The following SLC17A8 variants were observed in gnomAD, a reference collection of about 807,000 sequenced individuals.
The protein encoded by SLC17A8 is vesicular glutamate transporter 3.
SLC17A8 carries 31 observed loss-of-function variants against 58.0 expected under a neutral mutation model. The observed-to-expected ratio is 0.53, with a 90% CI of 0.40 to 0.72. SLC17A8 has a LOEUF of 0.72. SLC17A8 is among the 30% of genes least tolerant of loss of function. The pLI, the probability that SLC17A8 is intolerant of heterozygous loss-of-function variation, is 0.00. For missense variants in SLC17A8, 655 were observed against 727.8 expected, an observed-to-expected ratio of 0.90 and a Z score of 1.15; for synonymous variants, 228 against 249.0, an observed-to-expected ratio of 0.92 and a Z score of 0.79.
chr12:100,357,579 C>T (rs1035390367), intron 1 of SLC17A8, 87 bp downstream of exon 1: 11 of 902,006 alleles, frequency 1.2e-5, no homozygotes, highest in Non-Finnish European at 1.8e-5. Flanking sequence ...TTTTTAAAAC[C>T]ACACTTTAAT....
At position 100,357,228 on chromosome 12, in the gene SLC17A8, C is replaced by G; in HGVS notation, c.-164C>G. 1 of 654,188 alleles carries G rather than the reference C, an allele frequency of 1.5e-6. No homozygotes were observed. The allele number at this position is 654,188 out of a possible 1,614,324, so 40.5% of individuals were successfully genotyped here. A position where few individuals can be genotyped will look rare whatever the true frequency, so the allele number is the denominator to read the frequency against. On this transcript the variant is annotated 5_prime_UTR_variant, in exon 1 of 12. Transcript: ENST00000323346. ...GGGAGTTGTCTTATCTTGGAAGATC[C>G]GAGCTGGGTTTCATCTCCTTTTTGA...
At chr12:100,390,255 A>G (rs960161276) in intron 2 of SLC17A8, among the ~76,000 whole-genome samples, 1 of 151,910 alleles carries the variant, frequency 6.6e-6, no homozygotes, top group African/African-American at 2.4e-5. Flanking sequence ...GTGAGTCACC[A>G]TGACCATTAA....
Position 100,382,316 on chromosome 12 carries a change from C to A in SLC17A8, c.354+1363C>A, listed in dbSNP as rs75778267. ...GCCACAGGGCCAGTTCAGAGGCCAT[C>A]ATAGTTATAAGCAAGGATACTTCGA... On this transcript the variant is annotated intron_variant, in intron 2 of 11. Coordinates refer to ENST00000323346, the MANE Select transcript of SLC17A8 (RefSeq NM_139319.3). Among the ~76,000 whole-genome samples the A allele has an allele frequency of 1.1e-3, 171 of 152,274 alleles. 1 individual carries two copies. The highest frequency in any genetic ancestry group is 4.1e-3 in the African/African-American group (170 of 41,554).
intron 1 of SLC17A8, among the ~76,000 whole-genome samples, chr12:100,368,730 T>C (rs1232703480): frequency 6.6e-6 from 1 of 152,238 alleles, no homozygotes; most frequent in Non-Finnish European, 1.5e-5. Flanking sequence ...TCTCTCCTTT[T>C]ACAACTTCTC....
intron 2 of SLC17A8, among the ~76,000 whole-genome samples, chr12:100,389,203 G>A (rs1015215702): frequency 6.6e-6 from 1 of 152,244 alleles, no homozygotes; most frequent in Admixed American, 6.5e-5. Flanking sequence ...GGAAGGTTGT[G>A]TTGTTGCTAT....
At chr12:100,395,324 G>T (rs1016414207) in intron 4 of SLC17A8, among the ~76,000 whole-genome samples, 27 of 133,270 alleles carry the variant, frequency 2.0e-4, no homozygotes, top group African/African-American at 6.4e-4. Flanking sequence ...ATAAACAAAA[G>T]AATTTTTTTT....
intron 1 of SLC17A8, among the ~76,000 whole-genome samples, chr12:100,361,463 CCCACTTTCCTGG>C (rs1179148183): frequency 6.6e-6 from 1 of 152,194 alleles, no homozygotes; most frequent in African/African-American, 2.4e-5. Context: ...CTCAAAGATC[CCCACTTTCCTGG>C]CCATTCTATT....
At chr12:100,404,652 G>A (rs1379206053) in intron 9 of SLC17A8, among the ~76,000 whole-genome samples, 1 of 152,106 alleles carries the variant, frequency 6.6e-6, no homozygotes, top group African/African-American at 2.4e-5. Flanking sequence ...CCCCTACAAT[G>A]TTCATGAGTG....
At chr12:100,413,048 C>T (rs1170024697) in intron 10 of SLC17A8, among the ~76,000 whole-genome samples, 168 bp downstream of exon 10, 1 of 152,156 alleles carries the variant, frequency 6.6e-6, no homozygotes, top group African/African-American at 2.4e-5. Context: ...TGTAAGATCA[C>T]TGAGAACTGG....
At chr12:100,413,962 G>A (rs1343112803) in intron 10 of SLC17A8, among the ~76,000 whole-genome samples, 2 of 151,970 alleles carry the variant, frequency 1.3e-5, no homozygotes, top group Non-Finnish European at 2.9e-5. Context: ...GGATGACAAA[G>A]CGAGACCCCT....
At chr12:100,404,393 T>C in intron 9 of SLC17A8, 2 of 574,324 alleles carry the variant, frequency 3.5e-6, no homozygotes, top group Non-Finnish European at 6.2e-6. Context: ...TGTTTGCTTA[T>C]GTAGTTTATT....
chr12:100,388,959 G>GC (rs1952694955), intron 2 of SLC17A8, among the ~76,000 whole-genome samples: 1 of 152,126 alleles, frequency 6.6e-6, no homozygotes, highest in South Asian at 2.1e-4. Context: ...TTGACATGTG[G>GC]ATGTCCATTC....
intron 10 of SLC17A8, among the ~76,000 whole-genome samples, chr12:100,415,122 C>A (rs552475356): frequency 1.3e-5 from 2 of 152,320 alleles, no homozygotes; most frequent in South Asian, 4.1e-4. Flanking sequence ...AGGAGAGAAA[C>A]CCAATACTCC....
At chr12:100,404,200 A>C (rs1384859243) in intron 9 of SLC17A8, 30 bp downstream of exon 9, 1 of 1,613,918 alleles carries the variant, frequency 6.2e-7, no homozygotes, top group South Asian at 1.1e-5. Flanking sequence ...TGGCTTAGGC[A>C]GCTTTTGTAG....
intron 2 of SLC17A8, among the ~76,000 whole-genome samples, chr12:100,381,459 T>C (rs1952637125): frequency 6.6e-6 from 1 of 152,052 alleles, no homozygotes; most frequent in Non-Finnish European, 1.5e-5. Flanking sequence ...GACTTCCCTA[T>C]TGTGAACAAA....
chr12:100,397,345 T>C (rs927558487), intron 5 of SLC17A8, among the ~76,000 whole-genome samples: 1 of 152,224 alleles, frequency 6.6e-6, no homozygotes, highest in Non-Finnish European at 1.5e-5. Flanking sequence ...TCCTACCATG[T>C]ACACATTGTC....
At chr12:100,384,898 A>C (rs913024643) in intron 2 of SLC17A8, among the ~76,000 whole-genome samples, 1 of 152,166 alleles carries the variant, frequency 6.6e-6, no homozygotes, top group African/African-American at 2.4e-5. Flanking sequence ...TCTTGGAGTC[A>C]GCTCCGTTTT....
At chr12:100,375,505 A>T (rs950868764) in intron 1 of SLC17A8, among the ~76,000 whole-genome samples, 1 of 152,210 alleles carries the variant, frequency 6.6e-6, no homozygotes, top group East Asian at 1.9e-4. Context: ...ACGGCCTCAC[A>T]TCCCTGCGGT....
At chr12:100,364,797 T>C (rs1028395062) in intron 1 of SLC17A8, among the ~76,000 whole-genome samples, 4 of 152,192 alleles carry the variant, frequency 2.6e-5, no homozygotes, top group African/African-American at 9.7e-5. Context: ...CCTTTGAATG[T>C]TTCTCTTTTC....
Sources: gnomAD v4.1 joint callset for allele counts (sites outside exome capture counted in the v4.1 genomes callset) on GRCh38, gnomAD v4.1.1 for gene constraint, MANE v1.5 for transcripts, NCBI Gene and HGNC (gene_info 2026-07-23, HGNC 2026-07-21) for gene names.